CUX1: variants seen among roughly 807,000 people sequenced by gnomAD.
CUX1 encodes protein CASP.
Under a neutral mutation model 158.8 loss-of-function variants are expected in CUX1, and 31 were observed. The observed-to-expected ratio is 0.20, with a 90% confidence interval of 0.15 to 0.26. The LOEUF is 0.26. CUX1 is among the 10% of genes least tolerant of loss of function. The probability of loss-of-function intolerance (pLI) is 1.00; values close to 1 mark genes in which losing one functional copy is unlikely to be tolerated. For synonymous variants in CUX1, 879 were observed against 862.1 expected (o/e 1.02, Z -0.34); for missense variants, 1,589 against 2,014.6 (o/e 0.79, Z 4.04).
intron 3 of CUX1, among the ~76,000 whole-genome samples, chr7:102,033,040 C>T (rs1820979868): frequency 6.6e-6 from 1 of 152,174 alleles, no homozygotes; most frequent in Non-Finnish European, 1.5e-5. Flanking sequence ...CTCAGAGAAC[C>T]TCTTGGTAGT....
chr7:102,102,061 C>T (rs773094939), intron 5 of CUX1, among the ~76,000 whole-genome samples: 4 of 152,140 alleles, frequency 2.6e-5, no homozygotes, highest in Non-Finnish European at 4.4e-5. Flanking sequence ...TGGCCTCGTC[C>T]GTATGGCTTG....
chr7:102,181,389 C>T (rs963433177), intron 11 of CUX1, among the ~76,000 whole-genome samples: 6 of 152,148 alleles, frequency 3.9e-5, no homozygotes, highest in African/African-American at 1.4e-4. Flanking sequence ...GATAATTTGC[C>T]TTTCTCTCCA....
intron 20 of CUX1, among the ~76,000 whole-genome samples, chr7:102,216,606 A>ACACTCC (rs1286349924): frequency 7.3e-5 from 5 of 68,272 alleles, no homozygotes; most frequent in South Asian, 6.2e-4. Flanking sequence ...TCCCACACAC[A>ACACTCC]CACACACACT....
At position 102,249,342 on chromosome 7, in the gene CUX1, T is replaced by G; in HGVS notation, c.*300T>G. The stretch of plus-strand genomic sequence containing the variant: ...TGGACCCCTGGACCGCTTTGCGCAC[T>G]TACCGCCCTGCGGGCCACAGGGCAA... On this transcript the variant is annotated 3_prime_UTR_variant, in exon 24 of 24. Coordinates refer to ENST00000292535, the MANE Select transcript of CUX1 (RefSeq NM_181552.4). The G allele has an allele frequency of 2.0e-6, 2 of 1,011,064 alleles. No individual in the cohort carries two copies. The highest frequency in any genetic ancestry group is 9.3e-5 in the East Asian group (1 of 10,744). The allele number at this position is 1,011,064 out of a possible 1,614,324, so 62.6% of individuals were successfully genotyped here. A position where few individuals can be genotyped will look rare whatever the true frequency, so the allele number is the denominator to read the frequency against.
chr7:102,103,374 C>A (rs1462080297), intron 5 of CUX1, among the ~76,000 whole-genome samples: 5 of 152,002 alleles, frequency 3.3e-5, no homozygotes, highest in African/African-American at 1.2e-4. Flanking sequence ...TGCTTGCTTC[C>A]TTCCTTCCTT....
chr7:102,096,705 TAAACAAAC>T (rs200377699), intron 4 of CUX1, among the ~76,000 whole-genome samples: 12 of 152,064 alleles, frequency 7.9e-5, no homozygotes, highest in African/African-American at 1.7e-4. Context: ...GACCCTGTCT[TAAACAAAC>T]AAACAAACAA....
intron 17 of CUX1, among the ~76,000 whole-genome samples, chr7:102,275,852 T>C (rs1397592624): frequency 6.6e-6 from 1 of 151,864 alleles, no homozygotes; most frequent in Non-Finnish European, 1.5e-5. Flanking sequence ...CTACTAAAAA[T>C]ACAAAAATTA....
chr7:101,958,518 T>G (rs1164394341), intron 2 of CUX1, among the ~76,000 whole-genome samples: 1 of 144,244 alleles, frequency 6.9e-6, no homozygotes, highest in Non-Finnish European at 1.5e-5. Flanking sequence ...TCTCACTCTG[T>G]TGCTCAGACT....
At chr7:101,901,721 T>C (rs1802168778) in intron 1 of CUX1, among the ~76,000 whole-genome samples, 1 of 152,156 alleles carries the variant, frequency 6.6e-6, no homozygotes, top group Non-Finnish European at 1.5e-5. Context: ...TTTGTTTTGT[T>C]CCCCAGCAGC....
At chr7:102,170,580 T>C (rs782004153) in intron 10 of CUX1, 30 bp downstream of exon 10, 8 of 1,493,604 alleles carry the variant, frequency 5.4e-6, no homozygotes, top group Non-Finnish European at 7.3e-6. Context: ...TGGGGGACTG[T>C]CCCCGCCTGG....
chr7:101,963,713 C>T (rs1810792710), intron 2 of CUX1, among the ~76,000 whole-genome samples: 2 of 152,216 alleles, frequency 1.3e-5, no homozygotes, highest in Non-Finnish European at 2.9e-5. Flanking sequence ...AGTGCAGTGG[C>T]GTAATCATGG....
chr7:102,111,605 C>A, intron 6 of CUX1, 93 bp from the exon 7 acceptor site: 3 of 1,176,588 alleles, frequency 2.5e-6, no homozygotes, highest in Non-Finnish European at 3.8e-6. Context: ...GCCAGCTGAG[C>A]GCAGGGAGGG....
intron 8 of CUX1, among the ~76,000 whole-genome samples, chr7:102,128,877 C>T (rs918993499): frequency 5.9e-5 from 9 of 151,880 alleles, no homozygotes; most frequent in African/African-American, 1.9e-4. Context: ...ACTCGGGAGG[C>T]TGAAGTAGAA....
intron 3 of CUX1, among the ~76,000 whole-genome samples, chr7:102,066,955 C>G (rs1401071015): frequency 6.6e-6 from 1 of 152,198 alleles, no homozygotes. Context: ...TACATACACA[C>G]ACGCGTTTTA....
chr7:101,942,785 G>A (rs1807868945), intron 2 of CUX1, among the ~76,000 whole-genome samples: 1 of 152,224 alleles, frequency 6.6e-6, no homozygotes, highest in Admixed American at 6.5e-5. Flanking sequence ...GGGTCAGAGG[G>A]CAGCTTGAGC....
chr7:102,070,198 A>G (rs1563202559), intron 3 of CUX1, 141 bp from the exon 4 acceptor site: 2 of 665,746 alleles, frequency 3.0e-6, no homozygotes, highest in Non-Finnish European at 5.1e-6. Flanking sequence ...GTTTGCAGGC[A>G]TTTCCTCTAA....
chr7:101,941,391 G>A (rs1301324523), intron 2 of CUX1, among the ~76,000 whole-genome samples: 2 of 152,232 alleles, frequency 1.3e-5, no homozygotes, highest in East Asian at 1.9e-4. Flanking sequence ...TCTGCTTAGC[G>A]GTAGCTGGAT....
intron 2 of CUX1, among the ~76,000 whole-genome samples, chr7:101,918,202 TC>T (rs1165274260): frequency 3.9e-5 from 6 of 152,272 alleles, no homozygotes; most frequent in Admixed American, 1.3e-4. Flanking sequence ...CCCCCTTCGG[TC>T]ACCCTGTCCG....
chr7:102,080,554 C>G (rs530427505), intron 4 of CUX1, among the ~76,000 whole-genome samples: 11 of 152,294 alleles, frequency 7.2e-5, no homozygotes, highest in African/African-American at 2.6e-4. Context: ...GCCCCCATCG[C>G]CCGCAGAGCG....
Sources: allele counts gnomAD v4.1 joint callset (sites outside exome capture counted in the v4.1 genomes callset), GRCh38; gene constraint gnomAD v4.1.1; transcripts MANE v1.5; gene names NCBI Gene and HGNC (gene_info 2026-07-23, HGNC 2026-07-21).